Variants in FRMPD1 observed in about 807,000 individuals in gnomAD.
The protein encoded by FRMPD1 is FERM and PDZ domain-containing protein 1.
FRMPD1 carries 76 observed loss-of-function variants against 117.8 expected under a neutral mutation model. That is an observed-to-expected ratio of 0.65 (90% confidence interval 0.54 to 0.78). FRMPD1 has a LOEUF of 0.78. Ranked by LOEUF, FRMPD1 falls within the 30% of genes least tolerant of loss-of-function variation. The pLI is 0.00. For missense variants in FRMPD1, 1,786 were observed against 1,964.5 expected, an observed-to-expected ratio of 0.91 and a Z score of 1.72; for synonymous variants, 783 against 770.4, an observed-to-expected ratio of 1.02 and a Z score of -0.27.
chr9:37,622,849 C>T, the FRMPD1 span, among the ~76,000 whole-genome samples: 109 of 152,098 alleles, frequency 7.2e-4, 2 homozygotes, highest in Admixed American at 2.6e-4. Context: ...CAAAGCTGCA[C>T]GCAGCCAATT....
intron 15 of FRMPD1, among the ~76,000 whole-genome samples, chr9:37,742,118 A>G (rs1563963647): frequency 1.3e-5 from 2 of 152,222 alleles, no homozygotes; most frequent in South Asian, 2.1e-4. Context: ...CCCAGCACAC[A>G]GCGTCTAGCA....
At chr9:37,638,018 T>C in the FRMPD1 span, among the ~76,000 whole-genome samples, 92 of 115,154 alleles carry the variant, frequency 8.0e-4, 3 homozygotes, top group African/African-American at 2.7e-3. Flanking sequence ...CTTTCTTTCT[T>C]TCTTTCTCTC....
intron 1 of FRMPD1, among the ~76,000 whole-genome samples, chr9:37,688,448 G>A (rs1053252296): frequency 6.6e-6 from 1 of 151,854 alleles, no homozygotes; most frequent in Non-Finnish European, 1.5e-5. Context: ...TGTCCTGGCA[G>A]GAGTGCAAAT....
At chr9:37,729,988 C>T (rs1823797441) in intron 8 of FRMPD1, 135 bp downstream of exon 8, 2 of 853,676 alleles carry the variant, frequency 2.3e-6, no homozygotes, top group Non-Finnish European at 3.6e-6. Context: ...AGGCACAGAG[C>T]TCACTCAGCC....
chr9:37,724,172 T>C, intron 6 of FRMPD1, 53 bp from the exon 7 acceptor site: 1 of 922,538 alleles, frequency 1.1e-6, no homozygotes. Context: ...AGACCCTGTC[T>C]CCAGAAGGAA....
At chr9:37,650,579 G>T (rs1292100241), upstream of FRMPD1, among the ~76,000 whole-genome samples, 1 of 152,214 alleles carries the variant, frequency 6.6e-6, no homozygotes. Context: ...AAGGAGGCGT[G>T]AGAAGGGGGT....
chr9:37,604,117 G>A, the FRMPD1 span, among the ~76,000 whole-genome samples: 8 of 152,160 alleles, frequency 5.3e-5, no homozygotes, highest in Non-Finnish European at 7.3e-5. Context: ...ACTGTTAAGT[G>A]TGCGAATTAA....
Position 37,683,843 on chromosome 9 carries a change from G to C in FRMPD1, c.-4-8795G>C, listed in dbSNP as rs192123304. On this transcript the variant is annotated intron_variant, in intron 1 of 15. Transcript: ENST00000377765. ...AATACAATTCTGCAGAGTGTTGTGTGGGGGAGATGAAGTTAGCAAGTAGGC... is the reference window on the plus strand; with the variant it reads ...AATACAATTCTGCAGAGTGTTGTGTCGGGGAGATGAAGTTAGCAAGTAGGC... 1.7e-4 allele frequency among the ~76,000 whole-genome samples: 25 copies of C among 143,028 alleles called. 1 individual carries two copies. The highest frequency in any genetic ancestry group is 7.0e-4 in the African/African-American group (25 of 35,862). The allele number at this position is 143,028 out of a possible 152,430, so 93.8% of individuals were successfully genotyped here.
chr9:37,717,677 G>A (rs758178503), intron 5 of FRMPD1, among the ~76,000 whole-genome samples: 3 of 152,136 alleles, frequency 2.0e-5, no homozygotes, highest in Admixed American at 6.5e-5. Context: ...ACTGCACGCA[G>A]CCTGATTTTG....
chr9:37,726,651 C>T (rs927195341), intron 7 of FRMPD1, among the ~76,000 whole-genome samples: 3 of 152,044 alleles, frequency 2.0e-5, no homozygotes, highest in African/African-American at 7.2e-5. Context: ...TGAGCCGAGA[C>T]CATGCCACTG....
chr9:37,676,694 T>C (rs1821541052), intron 1 of FRMPD1, among the ~76,000 whole-genome samples: 1 of 152,072 alleles, frequency 6.6e-6, no homozygotes. Context: ...TTGCATAGGG[T>C]TCTGATTGGC....
intron 6 of FRMPD1, among the ~76,000 whole-genome samples, chr9:37,722,537 A>AGCTGGGACTATGGGTGTGT (rs1226777184): frequency 2.0e-5 from 3 of 152,094 alleles, no homozygotes; most frequent in Non-Finnish European, 4.4e-5. Context: ...CCTCCAGTGT[A>AGCTGGGACTATGGGTGTGT]GCTGGGACTA....
At chr9:37,715,311 C>T (rs1823072817) in intron 5 of FRMPD1, among the ~76,000 whole-genome samples, 1 of 152,108 alleles carries the variant, frequency 6.6e-6, no homozygotes, top group Non-Finnish European at 1.5e-5. Flanking sequence ...CCTCACACGC[C>T]CATGGTCTCA....
At chr9:37,613,999 G>A in the FRMPD1 span, among the ~76,000 whole-genome samples, 1 of 152,370 alleles carries the variant, frequency 6.6e-6, no homozygotes, top group East Asian at 1.9e-4. Context: ...AAGACTGAAT[G>A]AATCTGACTT....
chr9:37,670,164 G>C (rs1050237848), intron 1 of FRMPD1: 1 of 152,012 alleles, frequency 6.6e-6, no homozygotes, highest in Non-Finnish European at 1.5e-5. Flanking sequence ...ATTATACTGG[G>C]TTTTCTATCA....
chr9:37,675,605 G>A (rs952688307), intron 1 of FRMPD1, among the ~76,000 whole-genome samples: 2 of 152,096 alleles, frequency 1.3e-5, no homozygotes, highest in African/African-American at 2.4e-5. Context: ...TGGGAAGTGG[G>A]GAGAGTAGGG....
In FRMPD1 at chr9:37,745,816, T is replaced by C. The variant is rs750896921; in HGVS notation, c.3784T>C (p.Cys1262Arg). The change falls in exon 16 of 16, where the codon TGT (cysteine) becomes CGT (arginine). Residue 1262 changes from cysteine to arginine, a missense_variant. Coordinates refer to ENST00000377765, the MANE Select transcript of FRMPD1 (RefSeq NM_014907.3). ...GCCTTCCCTGCCAGAACCACTACCATGTCCACAAGAGGATCCTCACTTAGA... is the reference window on the plus strand; with the variant it reads ...GCCTTCCCTGCCAGAACCACTACCACGTCCACAAGAGGATCCTCACTTAGA... ...PEPSLPEPLPCPQEDPHLETS... is the reference protein window; with the variant it reads ...PEPSLPEPLPRPQEDPHLETS... The C allele has an allele frequency of 1.9e-6, 3 of 1,614,108 alleles. No homozygotes were observed. Among genetic ancestry groups the C allele is most frequent in the East Asian group, 2.2e-5 (1 of 44,892 alleles).
intron 2 of FRMPD1, among the ~76,000 whole-genome samples, chr9:37,705,513 T>C (rs1205779981): frequency 6.6e-6 from 1 of 152,118 alleles, no homozygotes; most frequent in African/African-American, 2.4e-5. Flanking sequence ...CCCAGGCTGG[T>C]CTTGAGCTCT....
chr9:37,744,432 G>T lies in FRMPD1; in HGVS notation c.2400G>T (p.Leu800Phe). Residue 800 changes from leucine to phenylalanine, a missense_variant, in exon 16 of 16, where the codon TTG becomes TTT. Transcript: ENST00000377765. ...CTGCAGAACCCAGTGCCACAAGCTT[G>T]CAGAATAAGGCCAGCACTTCTAGCC... The part of the protein sequence containing the change: ...VSTAEPSATS[L>F]QNKASTSSPE... 1 of 1,612,680 alleles carries T rather than the reference G, an allele frequency of 6.2e-7. No homozygotes were observed. Among genetic ancestry groups the T allele is most frequent in the South Asian group, 1.1e-5 (1 of 90,872 alleles).
Sources: allele counts gnomAD v4.1 joint callset (sites outside exome capture counted in the v4.1 genomes callset), GRCh38; gene constraint gnomAD v4.1.1; transcripts MANE v1.5; gene names NCBI Gene and HGNC (gene_info 2026-07-23, HGNC 2026-07-21).